CTDP1: variants seen among roughly 807,000 people sequenced by gnomAD.
The protein encoded by CTDP1 is RNA polymerase II subunit A C-terminal domain phosphatase.
Under a neutral mutation model 91.8 loss-of-function variants are expected in CTDP1, and 47 were observed. The ratio of observed to expected loss-of-function variants is 0.51; its 90% confidence interval spans 0.41 to 0.65. The LOEUF (loss-of-function observed/expected upper bound fraction) is 0.65, where lower values mean the gene tolerates loss of function less well. Among genes scored for constraint, CTDP1 ranks in the 30% least tolerant of loss-of-function variants. CTDP1 has a pLI of 0.00. For missense variants in CTDP1, 1,272 were observed against 1,373.7 expected (o/e 0.93, Z 1.17); for synonymous variants, 656 against 598.5 (o/e 1.10, Z -1.40).
At chr18:79,690,385 T>C (rs769446658) in intron 1 of CTDP1, among the ~76,000 whole-genome samples, 11 of 152,216 alleles carry the variant, frequency 7.2e-5, no homozygotes, top group African/African-American at 2.7e-4. Flanking sequence ...GGATTTTCTT[T>C]AGGACAAACC....
chr18:79,722,273 T>A (rs1008477621), intron 10 of CTDP1, among the ~76,000 whole-genome samples: 2 of 152,256 alleles, frequency 1.3e-5, no homozygotes, highest in African/African-American at 2.4e-5. Context: ...TAACTGTGTA[T>A]GTGTGTTCTG....
At chr18:79,706,374 C>T (rs1218382608) in intron 5 of CTDP1, among the ~76,000 whole-genome samples, 2 of 152,180 alleles carry the variant, frequency 1.3e-5, no homozygotes, top group African/African-American at 4.8e-5. Context: ...CCGTTGCAGC[C>T]AGTGCCAGGC....
intron 10 of CTDP1, among the ~76,000 whole-genome samples, chr18:79,724,231 A>G (rs1029007404): frequency 6.6e-6 from 1 of 152,230 alleles, no homozygotes; most frequent in South Asian, 2.1e-4. Context: ...AGATATTTCA[A>G]AATTCAAAAA....
intron 4 of CTDP1, 23 bp downstream of exon 4, chr18:79,698,011 GAC>G (rs2085782996): frequency 1.9e-6 from 3 of 1,614,062 alleles, no homozygotes; most frequent in Non-Finnish European, 2.5e-6. Flanking sequence ...AGCATCTACG[GAC>G]AGTTTCCCAG....
chr18:79,694,301 A>G (rs1220724606), intron 1 of CTDP1, among the ~76,000 whole-genome samples: 8 of 106,960 alleles, frequency 7.5e-5, no homozygotes, highest in African/African-American at 1.6e-4. Flanking sequence ...GGGCGGTCTC[A>G]TGTCCACGGG....
intron 11 of CTDP1, among the ~76,000 whole-genome samples, chr18:79,733,377 T>C (rs2086603470): frequency 6.6e-6 from 1 of 152,156 alleles, no homozygotes; most frequent in Non-Finnish European, 1.5e-5. Context: ...TGCAGGTTCC[T>C]GTGTGATCAT....
chr18:79,705,929 T>A (rs1344793995), intron 5 of CTDP1, among the ~76,000 whole-genome samples: 1 of 152,222 alleles, frequency 6.6e-6, no homozygotes, highest in South Asian at 2.1e-4. Context: ...AGACAGATGA[T>A]GTGAAGACGA....
chr18:79,686,876 C>T (rs1182349862), intron 1 of CTDP1, among the ~76,000 whole-genome samples: 5 of 149,384 alleles, frequency 3.3e-5, no homozygotes, highest in Admixed American at 6.6e-5. Context: ...GGGCCTGCAC[C>T]GCAGCAGTTG....
At chr18:79,712,732 G>A (rs1303507545) in intron 6 of CTDP1, among the ~76,000 whole-genome samples, 2 of 152,148 alleles carry the variant, frequency 1.3e-5, no homozygotes, top group African/African-American at 2.4e-5. Context: ...TGACTCTGGC[G>A]CTTTAAGAAA....
Position 79,717,529 on chromosome 18 carries a change from C to G in CTDP1, c.2069-6C>G. ...GAACAGCCTGACGCAGCCGGGTCTC[C>G]TGCAGGCACAGAGAAGGTGCTGCAG... On this transcript the variant is annotated splice_polypyrimidine_tract_variant and splice_region_variant and intron_variant, in intron 8 of 12. Transcript: ENST00000613122. 1 of 1,612,616 alleles carries G rather than the reference C, an allele frequency of 6.2e-7. No homozygotes were observed. The highest frequency in any genetic ancestry group is 8.5e-7 in the Non-Finnish European group (1 of 1,179,846).
At chr18:79,691,505 TGGGG>T (rs2085621100) in intron 1 of CTDP1, among the ~76,000 whole-genome samples, 7 of 121,342 alleles carry the variant, frequency 5.8e-5, no homozygotes, top group African/African-American at 1.6e-4. Flanking sequence ...GGACTCGGGG[TGGGG>T]AGGAGTGGAC....
At chr18:79,751,842 A>G (rs1178807692) in intron 12 of CTDP1, among the ~76,000 whole-genome samples, 3 of 152,232 alleles carry the variant, frequency 2.0e-5, no homozygotes, top group Non-Finnish European at 4.4e-5. Context: ...CATTGTATCT[A>G]CGTTAGCTAA....
rs1047217346 is a variant in CTDP1 at position 79,727,340 on chromosome 18, G to A, written c.2418-1567G>A. ...TGCAGGTGGGAAGCACAGCGTTCGC[G>A]GTGTTCGCGGGATGGGAAGCGTGGC... On this transcript the variant is annotated intron_variant, in intron 10 of 12. Coordinates refer to ENST00000613122, the MANE Select transcript of CTDP1 (RefSeq NM_004715.5). 1.5e-4 allele frequency among the ~76,000 whole-genome samples: 23 copies of A among 152,218 alleles called. 1 individual carries two copies. Among genetic ancestry groups the A allele is most frequent in the African/African-American group, 4.8e-4 (20 of 41,468 alleles).
chr18:79,698,603 CTG>C (rs2085795453), intron 4 of CTDP1, among the ~76,000 whole-genome samples: 1 of 152,230 alleles, frequency 6.6e-6, no homozygotes, highest in Non-Finnish European at 1.5e-5. Flanking sequence ...CTTTGAATGT[CTG>C]TGCCCAGAGG....
At chr18:79,704,495 C>A (rs1280117111) in intron 4 of CTDP1, among the ~76,000 whole-genome samples, 1 of 151,550 alleles carries the variant, frequency 6.6e-6, no homozygotes, top group Non-Finnish European at 1.5e-5. Context: ...TGTACATGCT[C>A]ACATGTGTCC....
intron 11 of CTDP1, among the ~76,000 whole-genome samples, chr18:79,734,458 C>T (rs778310912): frequency 6.6e-6 from 1 of 152,220 alleles, no homozygotes; most frequent in African/African-American, 2.4e-5. Flanking sequence ...TGTGTGCCCA[C>T]GTTTCTGGCT....
At chr18:79,729,928 G>A (rs879719336) in intron 11 of CTDP1, among the ~76,000 whole-genome samples, 1 of 152,188 alleles carries the variant, frequency 6.6e-6, no homozygotes, top group East Asian at 1.9e-4. Context: ...CTCCCTGCCC[G>A]CCTGGCACCG....
rs147693233 is a variant in CTDP1, at chr18:79,692,644, G to C, written c.315-2581G>C. On this transcript the variant is annotated intron_variant, in intron 1 of 12. Coordinates refer to ENST00000613122, the MANE Select transcript of CTDP1 (RefSeq NM_004715.5). ...CAGGGGGTAGAGCAAGGAGGAGCCC[G>C]CGGTGAGCTGGTGTCTTGCATGGGG... is the stretch of plus-strand genomic sequence containing the variant. Among the ~76,000 whole-genome samples the C allele has an allele frequency of 3.9e-3, 596 of 152,312 alleles. 7 individuals carry two copies. The highest frequency in any genetic ancestry group is 0.013 in the African/African-American group (555 of 41,552).
At chr18:79,753,505 G>A in intron 12 of CTDP1, 147 bp from the exon 13 acceptor site, 2 of 1,251,284 alleles carry the variant, frequency 1.6e-6, no homozygotes, top group South Asian at 2.6e-5. Context: ...CGTGGCCCTG[G>A]GTCGGTGGCC....
Sources: allele counts gnomAD v4.1 joint callset (sites outside exome capture counted in the v4.1 genomes callset), GRCh38; gene constraint gnomAD v4.1.1; transcripts MANE v1.5; gene names NCBI Gene and HGNC (gene_info 2026-07-23, HGNC 2026-07-21).